Variants in NRXN1 observed in about 807,000 individuals in gnomAD.
The protein encoded by NRXN1 is neurexin 1.
A neutral mutation model predicts 150.9 loss-of-function variants in NRXN1; 39 were observed. The observed-to-expected ratio is 0.26, with a 90% CI of 0.20 to 0.34. The LOEUF (loss-of-function observed/expected upper bound fraction) is 0.34. Ranked by LOEUF, NRXN1 falls within the 10% of genes least tolerant of loss-of-function variation. The probability of loss-of-function intolerance (pLI) is 1.00; values close to 1 mark genes in which losing one functional copy is unlikely to be tolerated. For missense variants in NRXN1, 1,815 were observed against 1,949.9 expected (o/e 0.93, Z 1.30); for synonymous variants, 924 against 757.0 (o/e 1.22, Z -3.62).
At position 50,969,943 on chromosome 2, in the gene NRXN1, G is replaced by GA. The variant is rs1283984294; in HGVS notation, c.773-43989dup. On this transcript the variant is annotated intron_variant, in intron 2 of 22. Transcript: ENST00000401669. ...TCAACAAAGTATGTACAGCAGTGCA[G>GA]AAAAAAGGGTAAGAACTAATGCTGA... 3.9e-5 allele frequency among the ~76,000 whole-genome samples: 6 copies of GA among 152,180 alleles called. No individual in the cohort carries two copies. The South Asian group carries it at 1.0e-3, about 26-fold the overall frequency.
intron 19 of NRXN1, among the ~76,000 whole-genome samples, chr2:50,060,083 C>T (rs1244972696): frequency 6.6e-6 from 1 of 152,124 alleles, no homozygotes; most frequent in East Asian, 1.9e-4. Context: ...ACAGCTTCCA[C>T]CATGCACCTG....
chr2:50,467,149 T>C (rs2088972448), intron 16 of NRXN1, among the ~76,000 whole-genome samples: 1 of 151,792 alleles, frequency 6.6e-6, no homozygotes, highest in Non-Finnish European at 1.5e-5. Context: ...ATCCTTGAAC[T>C]TACCAGATTG....
chr2:50,742,130 C>A (rs76179694), intron 5 of NRXN1, among the ~76,000 whole-genome samples: 5,338 of 152,002 alleles, frequency 0.035, 113 homozygotes, highest in Middle Eastern at 0.096. Context: ...CTTATTTTGT[C>A]CCATTTTAAC....
chr2:50,602,191 C>G (rs1044315011), intron 8 of NRXN1, among the ~76,000 whole-genome samples: 1 of 152,078 alleles, frequency 6.6e-6, no homozygotes, highest in African/African-American at 2.4e-5. Context: ...AATTCATCAA[C>G]TATGTGGCAC....
At chr2:50,461,557 C>T (rs2088217139) in intron 17 of NRXN1, among the ~76,000 whole-genome samples, 1 of 151,950 alleles carries the variant, frequency 6.6e-6, no homozygotes, top group Admixed American at 6.6e-5. Flanking sequence ...GTGTAGCACA[C>T]TGGTGTGATG....
At chr2:50,954,462 T>C (rs1383259700) in intron 2 of NRXN1, among the ~76,000 whole-genome samples, 1 of 150,432 alleles carries the variant, frequency 6.6e-6, no homozygotes, top group Non-Finnish European at 1.5e-5. Context: ...CCAGAGCGGG[T>C]TCAGCCATTT....
At chr2:49,969,617 A>T (rs1207991647) in intron 21 of NRXN1, 2 of 151,996 alleles carry the variant, frequency 1.3e-5, no homozygotes, top group South Asian at 4.1e-4. Flanking sequence ...TTATAGGTAA[A>T]TTCATTTCAC....
chr2:50,160,339 G>A (rs1289393597), intron 18 of NRXN1, among the ~76,000 whole-genome samples: 7 of 151,922 alleles, frequency 4.6e-5, no homozygotes, highest in South Asian at 2.1e-4. Flanking sequence ...TCAGGAGTTC[G>A]AAACCAGCCT....
rs200776653 is a variant in NRXN1, at chr2:50,016,784, ACAT to A, written c.4128+36484_4128+36486del. On this transcript the variant is annotated intron_variant, in intron 21 of 22. Coordinates refer to ENST00000401669, the MANE Select transcript of NRXN1 (RefSeq NM_001330078.2). Reference sequence around the variant, plus strand: ...CAGAGCGCAGACACACAGCCAAACCACATCAGGCTATATGGAAAAAAATAAATC... The same window carrying A: ...CAGAGCGCAGACACACAGCCAAACCACAGGCTATATGGAAAAAAATAAATC... Among the ~76,000 whole-genome samples, 1,476 of 152,220 alleles carry A rather than the reference ACAT, an allele frequency of 9.7e-3. 12 individuals are homozygous for A. The highest frequency in any genetic ancestry group is 0.011 in the Non-Finnish European group (747 of 68,020).
chr2:50,635,009 C>T (rs1199093839), intron 5 of NRXN1, among the ~76,000 whole-genome samples: 1 of 152,154 alleles, frequency 6.6e-6, no homozygotes, highest in Non-Finnish European at 1.5e-5. Context: ...CACCCCATAG[C>T]ATCTGGCTGC....
intron 2 of NRXN1, among the ~76,000 whole-genome samples, chr2:50,958,509 A>T (rs1460000247): frequency 6.6e-6 from 1 of 151,944 alleles, no homozygotes; most frequent in African/African-American, 2.4e-5. Context: ...TCATTTATGG[A>T]GTATTTATTG....
intron 5 of NRXN1, among the ~76,000 whole-genome samples, chr2:50,824,645 G>A (rs569585350): frequency 6.6e-6 from 1 of 152,246 alleles, no homozygotes; most frequent in East Asian, 1.9e-4. Context: ...CATAGTCAAA[G>A]GTTAGCTCCT....
At chr2:50,429,781 G>C (rs549134097) in intron 17 of NRXN1, among the ~76,000 whole-genome samples, 1 of 152,092 alleles carries the variant, frequency 6.6e-6, no homozygotes, top group Non-Finnish European at 1.5e-5. Context: ...GAGATCATGA[G>C]TTGTGCCCCA....
intron 21 of NRXN1, among the ~76,000 whole-genome samples, chr2:49,980,280 A>G (rs1002543105): frequency 6.6e-6 from 1 of 152,106 alleles, no homozygotes; most frequent in African/African-American, 2.4e-5. Context: ...ACTGATTCCT[A>G]CTCTAACTCA....
At chr2:50,356,837 G>C (rs61481177) in intron 17 of NRXN1, among the ~76,000 whole-genome samples, 1,592 of 152,206 alleles carry the variant, frequency 0.01, 32 homozygotes, top group African/African-American at 0.037. Flanking sequence ...AAGCATACTT[G>C]ATGACTGCCT....
At chr2:50,285,823 A>G (rs564786469) in intron 17 of NRXN1, among the ~76,000 whole-genome samples, 6 of 152,046 alleles carry the variant, frequency 3.9e-5, no homozygotes, top group African/African-American at 1.2e-4. Flanking sequence ...CCTTTCAATA[A>G]ACGGAGTTTC....
At chr2:50,752,712 A>C (rs934842001) in intron 5 of NRXN1, among the ~76,000 whole-genome samples, 1 of 151,888 alleles carries the variant, frequency 6.6e-6, no homozygotes, top group Non-Finnish European at 1.5e-5. Flanking sequence ...AAGTGAAAAA[A>C]AAAAAAATGT....
chr2:50,881,449 G>A (rs1047393481), intron 5 of NRXN1, among the ~76,000 whole-genome samples: 5 of 151,906 alleles, frequency 3.3e-5, no homozygotes, highest in Non-Finnish European at 5.9e-5. Flanking sequence ...CATGATTTTG[G>A]TTGACAATTT....
At chr2:50,935,167 AATGT>A (rs1321431361) in intron 2 of NRXN1, among the ~76,000 whole-genome samples, 1 of 152,196 alleles carries the variant, frequency 6.6e-6, no homozygotes, top group Admixed American at 6.6e-5. Flanking sequence ...TATCTTATAT[AATGT>A]ATTCTCTTAT....
Sources: gnomAD v4.1 joint callset for allele counts (sites outside exome capture counted in the v4.1 genomes callset) on GRCh38, gnomAD v4.1.1 for gene constraint, MANE v1.5 for transcripts, NCBI Gene and HGNC (gene_info 2026-07-23, HGNC 2026-07-21) for gene names.